The following FAR2 variants were observed in gnomAD, a reference collection of about 807,000 sequenced individuals.
FAR2 encodes the protein fatty acyl-CoA reductase 2, also known as epididymis secretory protein Li 81.
A neutral mutation model predicts 56.0 loss-of-function variants in FAR2; 19 were observed. That is an observed-to-expected ratio of 0.34 (90% CI 0.24 to 0.50). The LOEUF (loss-of-function observed/expected upper bound fraction) is 0.50. Ranked by LOEUF, FAR2 falls within the 20% of genes least tolerant of loss-of-function variation. The pLI is 0.98. For missense variants in FAR2, 508 were observed against 642.2 expected (o/e 0.79, Z 2.26); for synonymous variants, 219 against 218.8 (o/e 1.00, Z -0.01).
chr12:29,253,378 G>C (rs538819262), intron 1 of FAR2, among the ~76,000 whole-genome samples: 1 of 119,910 alleles, frequency 8.3e-6, no homozygotes, highest in African/African-American at 3.6e-5. Flanking sequence ...TATCTATCTA[G>C]ATAGATAGAT....
At chr12:29,310,195 A>G (rs774902435) in intron 6 of FAR2, among the ~76,000 whole-genome samples, 12 of 152,236 alleles carry the variant, frequency 7.9e-5, no homozygotes, top group Non-Finnish European at 1.6e-4. Flanking sequence ...ACGTGATCCC[A>G]AAACGGCTTT....
intron 9 of FAR2, chr12:29,317,819 G>C (rs1949478859): frequency 6.6e-6 from 1 of 152,648 alleles, no homozygotes; most frequent in Admixed American, 6.5e-5. Context: ...TACAAATGGG[G>C]AAATAGAAGC....
At chr12:29,156,882 G>A (rs1402631767) in intron 1 of FAR2, 4 of 151,680 alleles carry the variant, frequency 2.6e-5, no homozygotes, top group Admixed American at 6.6e-5. Flanking sequence ...TAAGACCTTC[G>A]AGACCTGGTG....
intron 4 of FAR2, 32 bp downstream of exon 4, chr12:29,297,232 G>A (rs769710232): frequency 1.3e-5 from 20 of 1,576,264 alleles, no homozygotes; most frequent in East Asian, 6.7e-5. Flanking sequence ...ATCAAGGGGC[G>A]GGTAGAATAA....
chr12:29,246,454 T>G (rs1948129497), intron 1 of FAR2, among the ~76,000 whole-genome samples: 1 of 152,188 alleles, frequency 6.6e-6, no homozygotes, highest in South Asian at 2.1e-4. Flanking sequence ...TGTCTTTCCC[T>G]TAGCTCCACA....
At chr12:29,332,105 G>T in intron 10 of FAR2, among the ~76,000 whole-genome samples, 1 of 151,604 alleles carries the variant, frequency 6.6e-6, no homozygotes, top group East Asian at 1.9e-4. Context: ...TATAAATTCT[G>T]GTAACTTATT....
At chr12:29,167,954 C>T (rs528964590) in intron 1 of FAR2, among the ~76,000 whole-genome samples, 9 of 152,250 alleles carry the variant, frequency 5.9e-5, no homozygotes, top group African/African-American at 2.2e-4. Flanking sequence ...TCCTCATTAC[C>T]AGTTACTAAT....
intron 1 of FAR2, among the ~76,000 whole-genome samples, chr12:29,214,026 T>C (rs745336218): frequency 3.1e-4 from 47 of 152,226 alleles, no homozygotes; most frequent in Non-Finnish European, 6.5e-4. Flanking sequence ...TCAAAGTTTC[T>C]TATTTTGCCT....
intron 10 of FAR2, among the ~76,000 whole-genome samples, chr12:29,323,109 A>G (rs1291835244): frequency 6.6e-6 from 1 of 152,248 alleles, no homozygotes; most frequent in Non-Finnish European, 1.5e-5. Context: ...GCGGGAGCAC[A>G]TGGCTTGGAG....
At chr12:29,309,981 ACT>A (rs1189725940) in intron 6 of FAR2, 1 of 152,134 alleles carries the variant, frequency 6.6e-6, no homozygotes, top group Non-Finnish European at 1.5e-5. Flanking sequence ...TCAGACTCTG[ACT>A]CTGTTCCTCC....
intron 1 of FAR2, among the ~76,000 whole-genome samples, chr12:29,217,993 G>A (rs778982924): frequency 1.1e-4 from 17 of 152,024 alleles, no homozygotes; most frequent in Non-Finnish European, 1.9e-4. Flanking sequence ...AAGAGGAGGA[G>A]GAGGAGGAGG....
At chr12:29,180,273 A>G (rs1253395270) in intron 1 of FAR2, among the ~76,000 whole-genome samples, 1 of 152,234 alleles carries the variant, frequency 6.6e-6, no homozygotes, top group Non-Finnish European at 1.5e-5. Flanking sequence ...AAAGCAAGAT[A>G]TCACTTCTCA....
intron 1 of FAR2, among the ~76,000 whole-genome samples, chr12:29,220,315 T>C (rs1277010934): frequency 6.6e-6 from 1 of 152,198 alleles, no homozygotes; most frequent in Non-Finnish European, 1.5e-5. Context: ...GTGCAAGACT[T>C]AGTCTAGTTT....
intron 8 of FAR2, among the ~76,000 whole-genome samples, chr12:29,316,547 A>T (rs1386646916): frequency 1.3e-5 from 2 of 152,178 alleles, no homozygotes; most frequent in African/African-American, 2.4e-5. Flanking sequence ...TTAAAGGCAG[A>T]TTCATGTTTT....
intron 1 of FAR2, among the ~76,000 whole-genome samples, chr12:29,232,218 C>T (rs1947870530): frequency 6.6e-6 from 1 of 152,142 alleles, no homozygotes; most frequent in South Asian, 2.1e-4. Flanking sequence ...AGAGCAAAGG[C>T]CTCAGCCTGT....
At chr12:29,280,560 C>G (rs1186791968) in intron 2 of FAR2, 1 of 152,198 alleles carries the variant, frequency 6.6e-6, no homozygotes, top group Non-Finnish European at 1.5e-5. Flanking sequence ...ATGAGTTGTA[C>G]TAATGTGGGT....
At chr12:29,226,068 T>C (rs755707619) in intron 1 of FAR2, among the ~76,000 whole-genome samples, 1 of 152,230 alleles carries the variant, frequency 6.6e-6, no homozygotes, top group Non-Finnish European at 1.5e-5. Flanking sequence ...AGCATTTTTA[T>C]ATGTTACCTC....
intron 2 of FAR2, chr12:29,277,899 A>C (rs536471763): frequency 6.6e-6 from 1 of 150,908 alleles, no homozygotes; most frequent in East Asian, 1.9e-4. Context: ...TAATTGTTTC[A>C]ATTTAAAACA....
intron 2 of FAR2, among the ~76,000 whole-genome samples, chr12:29,274,979 G>A (rs1009701699): frequency 0.017 from 25 of 1,454 alleles, no homozygotes; most frequent in South Asian, 0.17. Context: ...GACTCGGATC[G>A]GGGGACCTCC....
Sources: gnomAD v4.1 joint callset for allele counts (sites outside exome capture counted in the v4.1 genomes callset) on GRCh38, gnomAD v4.1.1 for gene constraint, MANE v1.5 for transcripts, NCBI Gene and HGNC (gene_info 2026-07-23, HGNC 2026-07-21) for gene names.